Variants in NTM observed in about 807,000 individuals in gnomAD.
NTM encodes neurotrimin, also known as IgLON family member 2.
In NTM, 13 loss-of-function variants were observed where a neutral mutation model predicts 42.1. The observed-to-expected ratio is 0.31, with a 90% CI of 0.20 to 0.49. The LOEUF (loss-of-function observed/expected upper bound fraction) is 0.49, where lower values mean the gene tolerates loss of function less well. NTM is among the 20% of genes least tolerant of loss of function. The pLI is 0.99. For synonymous variants in NTM, 187 were observed against 179.2 expected (o/e 1.04, Z -0.35); for missense variants, 373 against 452.8 (o/e 0.82, Z 1.60).
intron 1 of NTM, among the ~76,000 whole-genome samples, chr11:131,876,153 C>A (rs142692018): frequency 6.6e-6 from 1 of 152,142 alleles, no homozygotes; most frequent in African/African-American, 2.4e-5. Flanking sequence ...GGTCTTTCTC[C>A]AAGAGTCAGC....
At chr11:131,659,284 G>A (rs949166881) in intron 1 of NTM, among the ~76,000 whole-genome samples, 1 of 152,220 alleles carries the variant, frequency 6.6e-6, no homozygotes, top group Non-Finnish European at 1.5e-5. Context: ...GCTCTTTACA[G>A]TTTGCAAAGC....
intron 1 of NTM, among the ~76,000 whole-genome samples, chr11:131,849,995 T>G (rs1374006144): frequency 7.4e-6 from 1 of 135,528 alleles, no homozygotes; most frequent in Non-Finnish European, 1.6e-5. Context: ...ATAATAATAA[T>G]AAGACCTCAG....
At chr11:132,206,300 C>T (rs1177049318) in intron 3 of NTM, among the ~76,000 whole-genome samples, 1 of 152,184 alleles carries the variant, frequency 6.6e-6, no homozygotes, top group Non-Finnish European at 1.5e-5. Flanking sequence ...TAGGCATTCA[C>T]GCCCTTCCAT....
At chr11:132,208,428 A>G (rs1211990859) in intron 3 of NTM, among the ~76,000 whole-genome samples, 1 of 152,226 alleles carries the variant, frequency 6.6e-6, no homozygotes, top group Non-Finnish European at 1.5e-5. Flanking sequence ...TGCCTCCTTC[A>G]AACTGTATTC....
intron 1 of NTM, among the ~76,000 whole-genome samples, chr11:131,805,483 T>C (rs1474481759): frequency 2.0e-5 from 3 of 152,226 alleles, no homozygotes; most frequent in Non-Finnish European, 4.4e-5. Context: ...GATTTACTGT[T>C]ATCCGATTAT....
chr11:131,546,916 C>G (rs971147136), intron 1 of NTM, among the ~76,000 whole-genome samples: 1 of 152,178 alleles, frequency 6.6e-6, no homozygotes, highest in Admixed American at 6.5e-5. Context: ...TTCCCCCAGG[C>G]TAGGCTGTCT....
intron 1 of NTM, among the ~76,000 whole-genome samples, chr11:131,659,515 T>C (rs1332432918): frequency 6.6e-6 from 1 of 152,180 alleles, no homozygotes; most frequent in East Asian, 1.9e-4. Context: ...GGCCACTGCT[T>C]GTGATAATAC....
At chr11:131,774,971 C>A (rs755223446) in intron 1 of NTM, among the ~76,000 whole-genome samples, 47 of 152,184 alleles carry the variant, frequency 3.1e-4, no homozygotes, top group Non-Finnish European at 2.4e-4. Context: ...TCAGCAAATG[C>A]ACATCTCTCT....
chr11:132,263,884 C>A (rs2093019967), intron 4 of NTM, among the ~76,000 whole-genome samples: 1 of 152,174 alleles, frequency 6.6e-6, no homozygotes, highest in Admixed American at 6.5e-5. Flanking sequence ...ACGGCTTTTA[C>A]CATTCATATT....
At chr11:131,744,486 GA>G (rs2135614098) in intron 1 of NTM, among the ~76,000 whole-genome samples, 1 of 152,232 alleles carries the variant, frequency 6.6e-6, no homozygotes, top group South Asian at 2.1e-4. Flanking sequence ...TATCCTGGGG[GA>G]AAGTATCTCC....
chr11:131,874,030 A>ATATATATATATAATAT (rs1555162935), intron 1 of NTM, among the ~76,000 whole-genome samples: 4 of 76,636 alleles, frequency 5.2e-5, no homozygotes, highest in Non-Finnish European at 8.8e-5. Flanking sequence ...AATATAATAT[A>ATATATATATATAATAT]ATATATATAT....
At chr11:131,659,187 A>G (rs2658820) in intron 1 of NTM, among the ~76,000 whole-genome samples, 11 of 152,230 alleles carry the variant, frequency 7.2e-5, no homozygotes, top group African/African-American at 2.7e-4. Context: ...ACCAGCTCCC[A>G]GGGCAGCTGA....
At chr11:132,054,987 G>A (rs1244544362) in intron 2 of NTM, among the ~76,000 whole-genome samples, 2 of 152,188 alleles carry the variant, frequency 1.3e-5, no homozygotes, top group Non-Finnish European at 2.9e-5. Flanking sequence ...GGCATTCCAA[G>A]GGCTTGGTGT....
At chr11:131,717,378 CTATT>C in intron 1 of NTM, among the ~76,000 whole-genome samples, 1 of 152,106 alleles carries the variant, frequency 6.6e-6, no homozygotes, top group African/African-American at 2.4e-5. Flanking sequence ...GTATATGTCT[CTATT>C]TATATAGGTC....
intron 1 of NTM, among the ~76,000 whole-genome samples, chr11:131,871,422 A>C (rs2047769295): frequency 6.6e-6 from 1 of 152,250 alleles, no homozygotes; most frequent in Admixed American, 6.5e-5. Context: ...AAATAAAGCT[A>C]CTGAGGCAAT....
At chr11:131,562,573 A>G (rs890608326) in intron 1 of NTM, among the ~76,000 whole-genome samples, 24 of 152,002 alleles carry the variant, frequency 1.6e-4, no homozygotes, top group African/African-American at 5.3e-4. Context: ...GTCATGATGG[A>G]TGAAGCCAGG....
At chr11:132,202,678 C>T (rs955506124) in intron 3 of NTM, among the ~76,000 whole-genome samples, 2 of 152,152 alleles carry the variant, frequency 1.3e-5, no homozygotes, top group African/African-American at 4.8e-5. Context: ...AGCCAAGAGG[C>T]ATGGAATAAG....
At chr11:131,921,707 G>A (rs1046174343) in intron 2 of NTM, among the ~76,000 whole-genome samples, 1 of 152,098 alleles carries the variant, frequency 6.6e-6, no homozygotes, top group Non-Finnish European at 1.5e-5. Context: ...GTCCACAGAG[G>A]AAGTGCCAGA....
chr11:131,651,846 C>T (rs193257712), intron 1 of NTM, among the ~76,000 whole-genome samples: 4 of 150,540 alleles, frequency 2.7e-5, no homozygotes, highest in Admixed American at 6.6e-5. Context: ...TCCCCGCCCC[C>T]CCGACCCAAA....
Sources: allele counts gnomAD v4.1 joint callset (sites outside exome capture counted in the v4.1 genomes callset), GRCh38; gene constraint gnomAD v4.1.1; transcripts MANE v1.5; gene names NCBI Gene and HGNC (gene_info 2026-07-23, HGNC 2026-07-21).